CPZ: variants seen among roughly 807,000 people sequenced by gnomAD.
CPZ encodes carboxypeptidase Z, also known as VEZT/CPZ fusion.
A neutral mutation model predicts 61.8 loss-of-function variants in CPZ; 103 were observed. The ratio of observed to expected loss-of-function variants is 1.67; its 90% CI spans 1.42 to 1.96. The LOEUF (loss-of-function observed/expected upper bound fraction) is 1.96, where lower values mean the gene tolerates loss of function less well. CPZ is among the 30% of genes most tolerant of loss of function. The probability of loss-of-function intolerance (pLI) is 0.00; values close to 1 mark genes in which losing one functional copy is unlikely to be tolerated. For missense variants in CPZ, 1,461 were observed against 914.9 expected (o/e 1.60, Z -7.70); for synonymous variants, 551 against 373.7 (o/e 1.47, Z -5.47).
At position 8,606,192 on chromosome 4, in the gene CPZ, G is replaced by T. The variant is rs746349832; in HGVS notation, c.906+7G>T. 2 of 1,610,690 alleles carry T rather than the reference G, an allele frequency of 1.2e-6. No homozygotes were observed. Among genetic ancestry groups the T allele is most frequent in the Non-Finnish European group, 1.7e-6 (2 of 1,178,188 alleles). On this transcript the variant is annotated splice_region_variant and intron_variant, in intron 5 of 10. Coordinates refer to ENST00000360986, the MANE Select transcript of CPZ (RefSeq NM_001014447.3). ...TGAGGTGGCAGCTGCCGAGGTGAGC[G>T]CCCAGATGCCTGGATCCTGTGGGCC...
chr4:8,607,441 GGTGTGTGCAGGGGAGGGAGACA>G lies in CPZ; in HGVS notation c.1227+22_1227+43del, dbSNP rs1560296347. ...CGACGAGAAGGTGAGAGGGCTGTCG[GGTGTGTGCAGGGGAGGGAGACA>G]GTGTGCGCGGTCCCCTTGGAGCTGG... On this transcript the variant is annotated intron_variant, in intron 7 of 10. Coordinates refer to ENST00000360986, the MANE Select transcript of CPZ (RefSeq NM_001014447.3). The G allele has an allele frequency of 5.0e-6, 8 of 1,612,716 alleles. No homozygotes were observed. The highest frequency in any genetic ancestry group is 1.7e-4 in the Middle Eastern group (1 of 6,058).
chr4:8,607,797 G>T (rs1715169451), intron 7 of CPZ, among the ~76,000 whole-genome samples: 1 of 152,074 alleles, frequency 6.6e-6, no homozygotes, highest in Non-Finnish European at 1.5e-5. Flanking sequence ...GGAGGCGCCG[G>T]CAGAGGGCAG....
intron 1 of CPZ, among the ~76,000 whole-genome samples, chr4:8,598,400 G>A (rs112506629): frequency 6.6e-6 from 1 of 152,174 alleles, no homozygotes; most frequent in Non-Finnish European, 1.5e-5. Flanking sequence ...TCCGAAAAGC[G>A]GCCTGCACTC....
chr4:8,596,475 C>G lies in CPZ; in HGVS notation c.89-2978C>G, dbSNP rs140086446. ...GGGGGTGACCCAGCCAGCAGACACT[C>G]TTCCTGCCCCTTGGGAAACCCCGAT... is the stretch of plus-strand genomic sequence containing the variant. On this transcript the variant is annotated intron_variant, in intron 1 of 10. Coordinates refer to ENST00000360986, the MANE Select transcript of CPZ (RefSeq NM_001014447.3). Among the ~76,000 whole-genome samples, 585 of 152,366 alleles carry G rather than the reference C, an allele frequency of 3.8e-3. 5 individuals are homozygous for G. The highest frequency in any genetic ancestry group is 0.01 in the African/African-American group (425 of 41,590).
chr4:8,609,172 C>T (rs7377931), intron 7 of CPZ, among the ~76,000 whole-genome samples: 38 of 41,848 alleles, frequency 9.1e-4, no homozygotes, highest in African/African-American at 4.2e-3. Context: ...ATTCACTCAC[C>T]CATTCACTCA....
chr4:8,610,591 T>C (rs1358617833), intron 7 of CPZ, among the ~76,000 whole-genome samples: 1 of 152,044 alleles, frequency 6.6e-6, no homozygotes, highest in Non-Finnish European at 1.5e-5. Flanking sequence ...AGGTCAGAGG[T>C]GGGACACAGG....
intron 8 of CPZ, among the ~76,000 whole-genome samples, chr4:8,613,207 C>G (rs1223391698): frequency 4.0e-5 from 6 of 151,384 alleles, no homozygotes; most frequent in African/African-American, 7.3e-5. Context: ...TCGCAGCTCA[C>G]TGCAATCTCT....
In CPZ at chr4:8,606,064, C is replaced by T. The variant is rs768902033; in HGVS notation, c.785C>T (p.Ala262Val). Residue 262 changes from alanine (A) to valine (V), a missense_variant, in exon 5 of 11, where the codon GCC becomes GTC. Ala to Val is a moderately conservative substitution (Grantham distance 64). Transcript: ENST00000360986. The stretch of plus-strand genomic sequence containing the variant: ...GGCCGGGAGATGCTCATCTACCTAG[C>T]CCAGTACCTGTGCTCTGAGTACCTG... ...VAGREMLIYL[A>V]QYLCSEYLLG... The T allele has an allele frequency of 4.3e-6, 7 of 1,614,080 alleles. No homozygotes were observed. Among genetic ancestry groups the T allele is most frequent in the African/African-American group, 4.0e-5 (3 of 74,926 alleles).
chr4:8,616,747 T>A (rs921172842), intron 9 of CPZ, among the ~76,000 whole-genome samples: 1 of 152,174 alleles, frequency 6.6e-6, no homozygotes, highest in Non-Finnish European at 1.5e-5. Flanking sequence ...CTTCATCACC[T>A]CTCATGCAGG....
At chr4:8,611,029 C>G (rs1209518812) in intron 7 of CPZ, 1 of 363,184 alleles carries the variant, frequency 2.8e-6, no homozygotes, top group South Asian at 2.0e-5. Context: ...CTCATTCCCT[C>G]ACTCTTTCAC....
Position 8,598,284 on chromosome 4 carries a change from G to A in CPZ, c.89-1169G>A, listed in dbSNP as rs77708084. On this transcript the variant is annotated intron_variant, in intron 1 of 10. Transcript: ENST00000360986. ...GGAAACCCAGTCCCAGGAAGTTCCC[G>A]AGGGTGGGAGCTGCCTGGCCACAGA... 5.4e-3 allele frequency among the ~76,000 whole-genome samples: 819 copies of A among 152,348 alleles called. 17 individuals carry two copies. Among genetic ancestry groups the A allele is most frequent in the Admixed American group, 0.03 (454 of 15,312 alleles).
rs767916643 is a variant in CPZ, at chr4:8,592,849, C to A, written c.16C>A (p.Pro6Thr). The change falls in exon 1 of 11, where the codon CCG becomes ACG. Residue 6 changes from proline (P) to threonine (T), a missense_variant. By Grantham distance (38) the Pro-to-Thr change is conservative. Transcript: ENST00000360986. MPPPL[P>T]LLLLTVLVVA... ...CCGCCCCACCATGCCGCCCCCGCTG[C>A]CGCTGCTGCTCCTTACAGTCCTGGT... The A allele has an allele frequency of 1.1e-5, 16 of 1,483,494 alleles. No individual in the cohort carries two copies. Among genetic ancestry groups the A allele is most frequent in the Non-Finnish European group, 1.4e-5 (16 of 1,122,756 alleles). 91.9% of individuals were successfully genotyped at this position (1,483,494 alleles called of 1,614,324 possible).
intron 8 of CPZ, among the ~76,000 whole-genome samples, chr4:8,613,129 G>T (rs979593250): frequency 1.4e-5 from 2 of 139,700 alleles, no homozygotes; most frequent in Non-Finnish European, 1.5e-5. Context: ...GCCCCTCTCT[G>T]TTCCTTTTTT....
In CPZ at chr4:8,614,471, G is replaced by A. The variant is rs1371154614; in HGVS notation, c.1476G>A (p.Lys492=). The change falls in exon 9 of 11, where the codon AAG becomes AAA. Residue 492 remains lysine (K), a synonymous_variant. Coordinates refer to ENST00000360986, the MANE Select transcript of CPZ (RefSeq NM_001014447.3). ...TGTACATACTCTGGCAGCACAACAAGGAGTCACTCCTGAATTTCGTGGAGA... is the reference window on the plus strand; with the variant it reads ...TGTACATACTCTGGCAGCACAACAAAGAGTCACTCCTGAATTTCGTGGAGA... ...EALYILWQHN[K]ESLLNFVETV... is the part of the protein sequence containing the mutation. The A allele has an allele frequency of 3.1e-6, 5 of 1,613,796 alleles. No individual in the cohort carries two copies. The highest frequency in any genetic ancestry group is 4.5e-5 in the East Asian group (2 of 44,874).
chr4:8,617,396 G>A (rs75704247), intron 9 of CPZ, among the ~76,000 whole-genome samples: 6 of 152,192 alleles, frequency 3.9e-5, no homozygotes, highest in South Asian at 4.1e-4. Context: ...CAGGGAAGGA[G>A]GATGCTCCTG....
rs1386429480 is a variant in CPZ, at chr4:8,619,259, C to T, written c.1604-3C>T. ...GAATCATTTTTAATCTATTTGTCCA[C>T]AGCCCCAGATGGTGACTACTGGAGA... is the stretch of plus-strand genomic sequence containing the variant. On this transcript the variant is annotated splice_polypyrimidine_tract_variant and splice_region_variant and intron_variant, in intron 10 of 10. Transcript: ENST00000360986. The T allele has an allele frequency of 2.5e-6, 4 of 1,604,530 alleles. No individual in the cohort carries two copies. Among genetic ancestry groups the T allele is most frequent in the Non-Finnish European group, 2.6e-6 (3 of 1,175,660 alleles).
At chr4:8,603,634 A>G (rs1157885229) in intron 3 of CPZ, 1 of 316,228 alleles carries the variant, frequency 3.2e-6, no homozygotes, top group Admixed American at 4.9e-5. Flanking sequence ...CCCTCTGCAC[A>G]CCCAGCAGGG....
chr4:8,603,928 GA>G (rs757524393), intron 3 of CPZ, 47 bp from the exon 4 acceptor site: 1 of 1,549,158 alleles, frequency 6.5e-7, no homozygotes, highest in South Asian at 1.1e-5. Flanking sequence ...GCAGTGGTAG[GA>G]AGCCTGGGGG....
chr4:8,617,923 C>T (rs1184509912), intron 9 of CPZ, among the ~76,000 whole-genome samples: 2 of 151,962 alleles, frequency 1.3e-5, no homozygotes, highest in East Asian at 3.9e-4. Flanking sequence ...CAGTTCGTGC[C>T]AAGGCCAGGC....
Sources: gnomAD v4.1 joint callset for allele counts (sites outside exome capture counted in the v4.1 genomes callset) on GRCh38, gnomAD v4.1.1 for gene constraint, MANE v1.5 for transcripts, NCBI Gene and HGNC (gene_info 2026-07-23, HGNC 2026-07-21) for gene names.